Variants in HS2ST1 observed in about 807,000 individuals in gnomAD.
HS2ST1 encodes 2-O-sulfotransferase.
A neutral mutation model predicts 42.9 loss-of-function variants in HS2ST1; 18 were observed. That is an observed-to-expected ratio of 0.42 (90% CI 0.29 to 0.62). The LOEUF (loss-of-function observed/expected upper bound fraction) is 0.62, where lower values mean the gene tolerates loss of function less well. Ranked by LOEUF, HS2ST1 falls within the 20% of genes least tolerant of loss-of-function variation. The probability of loss-of-function intolerance (pLI) is 0.21; values close to 1 mark genes in which losing one functional copy is unlikely to be tolerated. For missense variants in HS2ST1, 334 were observed against 433.8 expected (o/e 0.77, Z 2.04); for synonymous variants, 146 against 152.9 (o/e 0.95, Z 0.33).
chr1:87,069,608 A>G (rs1272527017), intron 1 of HS2ST1, among the ~76,000 whole-genome samples: 2 of 152,096 alleles, frequency 1.3e-5, no homozygotes, highest in Non-Finnish European at 2.9e-5. Context: ...ATTGTTCTTA[A>G]TTTTCCATAC....
At chr1:86,941,936 T>A (rs1362776622) in intron 1 of HS2ST1, among the ~76,000 whole-genome samples, 1 of 152,130 alleles carries the variant, frequency 6.6e-6, no homozygotes, top group East Asian at 1.9e-4. Flanking sequence ...TAAATCAAAA[T>A]GAGTGAAATT....
In HS2ST1 at chr1:87,041,226, A is replaced by T. The variant is rs1300654754; in HGVS notation, c.125-31708A>T. On this transcript the variant is annotated intron_variant, in intron 1 of 6. Coordinates refer to ENST00000370550, the MANE Select transcript of HS2ST1 (RefSeq NM_012262.4). ...AAAATAGCGAGACCTTGTCTCTACT[A>T]AAAAAAAAAAAAAACAAAAAAAAAA... Among the ~76,000 whole-genome samples, 10 of 17,214 alleles carry T rather than the reference A, an allele frequency of 5.8e-4. No individual in the cohort carries two copies. The South Asian group carries it at 0.017, about 29-fold the overall frequency. 11.3% of individuals were successfully genotyped at this position (17,214 alleles called of 152,430 possible). A position where few individuals can be genotyped will look rare whatever the true frequency, so the allele number is the denominator to read the frequency against.
intron 1 of HS2ST1, among the ~76,000 whole-genome samples, chr1:87,026,089 A>AT (rs1415034488): frequency 6.6e-6 from 1 of 152,190 alleles, no homozygotes; most frequent in Non-Finnish European, 1.5e-5. Flanking sequence ...TTTGCAAATT[A>AT]TTTTTTTAAA....
At chr1:87,082,334 T>TA (rs1651715037) in intron 2 of HS2ST1, among the ~76,000 whole-genome samples, 2 of 152,222 alleles carry the variant, frequency 1.3e-5, no homozygotes, top group Non-Finnish European at 2.9e-5. Flanking sequence ...ACCTGACTCT[T>TA]ACTTCTGCCC....
intron 1 of HS2ST1, among the ~76,000 whole-genome samples, chr1:86,991,148 T>A (rs1239560229): frequency 6.6e-6 from 1 of 151,738 alleles, no homozygotes; most frequent in Non-Finnish European, 1.5e-5. Flanking sequence ...CAGTGGGTAT[T>A]TCTCTTGGTC....
intron 1 of HS2ST1, among the ~76,000 whole-genome samples, chr1:86,922,144 C>T (rs1660312223): frequency 6.8e-6 from 1 of 147,430 alleles, no homozygotes. Context: ...AATTTGATGA[C>T]TTACTAGCAG....
At chr1:87,058,525 G>C (rs953420123) in intron 1 of HS2ST1, among the ~76,000 whole-genome samples, 1 of 151,144 alleles carries the variant, frequency 6.6e-6, no homozygotes, top group African/African-American at 2.5e-5. Flanking sequence ...AGCTTTTAAC[G>C]TGTGCCTGAA....
chr1:86,971,837 A>T (rs972365267), intron 1 of HS2ST1, among the ~76,000 whole-genome samples: 4 of 151,516 alleles, frequency 2.6e-5, no homozygotes, highest in African/African-American at 9.7e-5. Context: ...TCTTGAAAGA[A>T]AAAAAAAATG....
chr1:87,064,155 A>G (rs1050671141), intron 1 of HS2ST1, among the ~76,000 whole-genome samples: 11 of 152,154 alleles, frequency 7.2e-5, no homozygotes, highest in African/African-American at 2.2e-4. Flanking sequence ...TAAGCTTTCT[A>G]TCTTGCTATG....
At chr1:87,078,500 T>G (rs1331092064) in intron 2 of HS2ST1, among the ~76,000 whole-genome samples, 3 of 152,180 alleles carry the variant, frequency 2.0e-5, no homozygotes, top group Non-Finnish European at 4.4e-5. Flanking sequence ...GACTACTACA[T>G]CTGAAACATT....
rs1435608017 is a variant in HS2ST1, at chr1:87,090,774, ATC to A, written c.450-1755_450-1754del. Among the ~76,000 whole-genome samples, 8 of 151,884 alleles carry A rather than the reference ATC, an allele frequency of 5.3e-5. No individual in the cohort carries two copies. In the East Asian group the frequency reaches 1.5e-3, roughly 29 times the overall value. ...ACTCCACCTCACCCCCACCTCTCTTATCTTCCATGGTATTCCCTTTTTGATTC... is the reference window on the plus strand; with the variant it reads ...ACTCCACCTCACCCCCACCTCTCTTATTCCATGGTATTCCCTTTTTGATTC... On this transcript the variant is annotated intron_variant, in intron 3 of 6. Transcript: ENST00000370550.
At chr1:86,987,147 G>A (rs922228810) in intron 1 of HS2ST1, among the ~76,000 whole-genome samples, 1 of 142,510 alleles carries the variant, frequency 7.0e-6, no homozygotes, top group African/African-American at 2.6e-5. Flanking sequence ...TTGACTCACT[G>A]CAACCTCCAC....
intron 3 of HS2ST1, among the ~76,000 whole-genome samples, chr1:87,091,319 G>A (rs1317200040): frequency 6.6e-6 from 1 of 152,026 alleles, no homozygotes; most frequent in Non-Finnish European, 1.5e-5. Context: ...GGAGATAAAA[G>A]AGGCCAACCT....
At chr1:86,970,642 C>T (rs1648203661) in intron 1 of HS2ST1, among the ~76,000 whole-genome samples, 1 of 152,176 alleles carries the variant, frequency 6.6e-6, no homozygotes, top group Non-Finnish European at 1.5e-5. Context: ...GATCCACCCT[C>T]CTTGGCCTCC....
At chr1:87,057,297 T>G (rs1400561928) in intron 1 of HS2ST1, among the ~76,000 whole-genome samples, 1 of 152,180 alleles carries the variant, frequency 6.6e-6, no homozygotes, top group Non-Finnish European at 1.5e-5. Context: ...TCTTTAAGTG[T>G]ATAAAAGGTT....
chr1:86,982,621 TCTC>T (rs1442080354), intron 1 of HS2ST1, among the ~76,000 whole-genome samples: 3 of 152,060 alleles, frequency 2.0e-5, no homozygotes, highest in Non-Finnish European at 4.4e-5. Context: ...TTCACGCCAT[TCTC>T]CTGCCTCAGC....
intron 1 of HS2ST1, among the ~76,000 whole-genome samples, chr1:86,990,763 C>G (rs1648917978): frequency 7.1e-6 from 1 of 139,904 alleles, no homozygotes; most frequent in African/African-American, 2.6e-5. Context: ...CCTGCCTCAC[C>G]TCCCGAGTAA....
intron 1 of HS2ST1, among the ~76,000 whole-genome samples, chr1:87,011,432 CA>C (rs1319156797): frequency 6.6e-6 from 1 of 151,852 alleles, no homozygotes; most frequent in Non-Finnish European, 1.5e-5. Flanking sequence ...TTTGTAGTGA[CA>C]GGGTCTCACT....
At chr1:86,924,684 C>G (rs1660376595) in intron 1 of HS2ST1, among the ~76,000 whole-genome samples, 1 of 152,216 alleles carries the variant, frequency 6.6e-6, no homozygotes, top group South Asian at 2.1e-4. Context: ...TGGCCCTTTT[C>G]AGCCATGGCA....
Sources: gnomAD v4.1 joint callset for allele counts (sites outside exome capture counted in the v4.1 genomes callset) on GRCh38, gnomAD v4.1.1 for gene constraint, MANE v1.5 for transcripts, NCBI Gene and HGNC (gene_info 2026-07-23, HGNC 2026-07-21) for gene names.